ERGIC1: variants seen among roughly 807,000 people sequenced by gnomAD.
ERGIC1 encodes the protein endoplasmic reticulum-golgi intermediate compartment 1, also known as endoplasmic reticulum-Golgi intermediate compartment protein 1.
In ERGIC1, 19 loss-of-function variants were observed where a neutral mutation model predicts 38.3. The observed-to-expected ratio is 0.50, with a 90% CI of 0.35 to 0.73. ERGIC1 has a LOEUF of 0.73. ERGIC1 is among the 30% of genes least tolerant of loss of function. The pLI is 0.01. For synonymous variants in ERGIC1, 124 were observed against 157.6 expected (o/e 0.79, Z 1.60); for missense variants, 294 against 389.2 (o/e 0.76, Z 2.06).
At chr5:172,893,070 T>TA (rs1392803979) in intron 2 of ERGIC1, among the ~76,000 whole-genome samples, 2 of 152,220 alleles carry the variant, frequency 1.3e-5, no homozygotes, top group African/African-American at 4.8e-5. Flanking sequence ...GACACACGTC[T>TA]ACAAGCATGA....
intron 1 of ERGIC1, among the ~76,000 whole-genome samples, chr5:172,858,348 C>G (rs1438991985): frequency 6.6e-6 from 1 of 152,228 alleles, no homozygotes; most frequent in Non-Finnish European, 1.5e-5. Flanking sequence ...TCCTAAGAAG[C>G]TTCAGCCCTT....
At chr5:172,863,651 A>G (rs926844954) in intron 1 of ERGIC1, among the ~76,000 whole-genome samples, 1 of 152,074 alleles carries the variant, frequency 6.6e-6, no homozygotes, top group Non-Finnish European at 1.5e-5. Context: ...TCTCAACTTC[A>G]TAGCATTTTG....
At chr5:172,892,119 A>G (rs1762583434) in intron 2 of ERGIC1, among the ~76,000 whole-genome samples, 1 of 130,550 alleles carries the variant, frequency 7.7e-6, no homozygotes, top group Non-Finnish European at 1.5e-5. Context: ...AGGGCCCTCC[A>G]GGGACATGGT....
chr5:172,838,633 T>C (rs937348528), intron 1 of ERGIC1, among the ~76,000 whole-genome samples: 2 of 152,180 alleles, frequency 1.3e-5, no homozygotes, highest in East Asian at 1.9e-4. Context: ...GGTCTTGCTA[T>C]GTTGGCCAGG....
intron 1 of ERGIC1, among the ~76,000 whole-genome samples, chr5:172,855,617 C>T (rs1394527283): frequency 1.3e-5 from 2 of 152,162 alleles, no homozygotes; most frequent in Non-Finnish European, 2.9e-5. Flanking sequence ...GCGTGGGGTG[C>T]GAGGAGGTCC....
intron 5 of ERGIC1, among the ~76,000 whole-genome samples, chr5:172,921,033 C>T (rs1294830431): frequency 6.6e-6 from 1 of 152,218 alleles, no homozygotes; most frequent in African/African-American, 2.4e-5. Flanking sequence ...TCCGGGAGGG[C>T]CCTTCTTGGT....
chr5:172,915,365 T>A (rs1763334755), intron 5 of ERGIC1: 2 of 448,290 alleles, frequency 4.5e-6, no homozygotes, highest in Non-Finnish European at 8.7e-6. Flanking sequence ...GCTCCCATTC[T>A]GGTAGAGGGA....
chr5:172,879,421 T>C (rs1762227318), intron 1 of ERGIC1, among the ~76,000 whole-genome samples: 1 of 152,198 alleles, frequency 6.6e-6, no homozygotes, highest in African/African-American at 2.4e-5. Context: ...TCTCATGGAA[T>C]TTGCTGTATC....
intron 3 of ERGIC1, 89 bp from the exon 4 acceptor site, chr5:172,909,578 C>A: frequency 8.1e-7 from 1 of 1,232,112 alleles, no homozygotes; most frequent in South Asian, 1.2e-5. Context: ...AAGTTGTGGT[C>A]ACCAAGTGAA....
intron 5 of ERGIC1, among the ~76,000 whole-genome samples, chr5:172,922,734 G>A (rs1264979891): frequency 2.6e-5 from 4 of 152,252 alleles, no homozygotes; most frequent in Non-Finnish European, 5.9e-5. Context: ...GTGGCCTGTG[G>A]GCCACCACGA....
At chr5:172,905,245 C>T (rs958421841) in intron 3 of ERGIC1, 3 of 263,736 alleles carry the variant, frequency 1.1e-5, no homozygotes, top group African/African-American at 4.4e-5. Flanking sequence ...GAAGGGAAGC[C>T]CAGGCTCTCC....
At chr5:172,867,283 G>A (rs1442716914) in intron 1 of ERGIC1, 1 of 425,418 alleles carries the variant, frequency 2.4e-6, no homozygotes, top group African/African-American at 2.0e-5. Context: ...GGTACAGGCG[G>A]GGGTGGTGGA....
At position 172,938,986 on chromosome 5, in the gene ERGIC1, C is replaced by T. The variant is rs185131526; in HGVS notation, c.765+3676C>T. Among the ~76,000 whole-genome samples, 293 of 152,082 alleles carry T rather than the reference C, an allele frequency of 1.9e-3. 2 individuals are homozygous for T. The highest frequency in any genetic ancestry group is 6.8e-3 in the African/African-American group (284 of 41,460). On this transcript the variant is annotated intron_variant, in intron 9 of 9. Transcript: ENST00000393784. ...GGTGAGGCAGGAGAATTGCTTGAAC[C>T]TGGCAGACAGAGGTTGCAGTGAGCC...
chr5:172,857,970 A>T (rs1451351372), intron 1 of ERGIC1, among the ~76,000 whole-genome samples: 1 of 152,106 alleles, frequency 6.6e-6, no homozygotes, highest in African/African-American at 2.4e-5. Context: ...AACGGCAGGG[A>T]TATAGCCCCT....
In ERGIC1 at chr5:172,914,707, C is replaced by T; in HGVS notation, c.251-7C>T. ...TTGTGACTGTTGTCTCCCTTTGGCTCCTGCAGTGGTTGGGCTTGACATTCA... is the reference window on the plus strand; with the variant it reads ...TTGTGACTGTTGTCTCCCTTTGGCTTCTGCAGTGGTTGGGCTTGACATTCA... On this transcript the variant is annotated splice_polypyrimidine_tract_variant and splice_region_variant and intron_variant, in intron 4 of 9. Transcript: ENST00000393784. The T allele has an allele frequency of 6.2e-7, 1 of 1,614,014 alleles. No homozygotes were observed. Among genetic ancestry groups the T allele is most frequent in the East Asian group, 2.2e-5 (1 of 44,892 alleles).
intron 9 of ERGIC1, among the ~76,000 whole-genome samples, chr5:172,948,285 C>T (rs531375232): frequency 1.3e-5 from 2 of 152,360 alleles, no homozygotes; most frequent in South Asian, 2.1e-4. Context: ...TAGCTCATCT[C>T]ATGGAAATAT....
At chr5:172,918,970 G>C (rs1763444813) in intron 5 of ERGIC1, among the ~76,000 whole-genome samples, 1 of 151,912 alleles carries the variant, frequency 6.6e-6, no homozygotes, top group Non-Finnish European at 1.5e-5. Flanking sequence ...GCTGCTGCCT[G>C]TGCCTCCTCC....
At chr5:172,844,712 A>G (rs1351430425) in intron 1 of ERGIC1, among the ~76,000 whole-genome samples, 2 of 152,230 alleles carry the variant, frequency 1.3e-5, no homozygotes, top group African/African-American at 4.8e-5. Flanking sequence ...TGATTCCTTC[A>G]GGTTTCAGCT....
In ERGIC1 at chr5:172,903,968, T is replaced by TAC. The variant is rs70984919; in HGVS notation, c.156-5679_156-5678dup. Among the ~76,000 whole-genome samples the TAC allele has an allele frequency of 1.5e-3, 227 of 150,090 alleles. 2 individuals carry two copies. The highest frequency in any genetic ancestry group is 7.3e-3 in the East Asian group (37 of 5,046). Reference sequence around the variant, plus strand: ...TCAAGAGAGAGATGAGTCTCACACATACACACACACACACACACACATTGA... The same window carrying TAC: ...TCAAGAGAGAGATGAGTCTCACACATACACACACACACACACACACACATTGA... On this transcript the variant is annotated intron_variant, in intron 3 of 9. Transcript: ENST00000393784.
Sources: allele counts gnomAD v4.1 joint callset (sites outside exome capture counted in the v4.1 genomes callset), GRCh38; gene constraint gnomAD v4.1.1; transcripts MANE v1.5; gene names NCBI Gene and HGNC (gene_info 2026-07-23, HGNC 2026-07-21).